The following NXPH1 variants were observed in gnomAD, a reference collection of about 807,000 sequenced individuals.
NXPH1 encodes neurexophilin 1, also known as neurexophilin-1.
Under a neutral mutation model 23.7 loss-of-function variants are expected in NXPH1, and 5 were observed. The observed-to-expected ratio is 0.21, with a 90% CI of 0.11 to 0.44. The LOEUF (loss-of-function observed/expected upper bound fraction) is 0.44, where lower values mean the gene tolerates loss of function less well. Ranked by LOEUF, NXPH1 falls within the 20% of genes least tolerant of loss-of-function variation. The pLI is 0.99. For synonymous variants in NXPH1, 144 were observed against 122.2 expected (o/e 1.18, Z -1.18); for missense variants, 324 against 321.6 (o/e 1.01, Z -0.06).
At chr7:8,474,308 T>G (rs1278588656) in intron 2 of NXPH1, among the ~76,000 whole-genome samples, 2 of 152,156 alleles carry the variant, frequency 1.3e-5, no homozygotes, top group African/African-American at 4.8e-5. Context: ...AAATGGGTGC[T>G]GAGAGAAATG....
chr7:8,609,789 C>T (rs1819576760), intron 2 of NXPH1, among the ~76,000 whole-genome samples: 1 of 152,114 alleles, frequency 6.6e-6, no homozygotes, highest in African/African-American at 2.4e-5. Context: ...TTAATTTTAA[C>T]ATAACAGAGA....
intron 2 of NXPH1, 120 bp from the exon 3 acceptor site, chr7:8,750,888 G>C (rs1780552111): frequency 2.1e-6 from 2 of 957,750 alleles, no homozygotes; most frequent in East Asian, 2.4e-5. Context: ...CTCAGATGCG[G>C]TGCTTTTAAA....
intron 2 of NXPH1, among the ~76,000 whole-genome samples, chr7:8,587,999 G>T (rs1412216775): frequency 6.6e-6 from 1 of 152,092 alleles, no homozygotes; most frequent in Non-Finnish European, 1.5e-5. Flanking sequence ...ATGAAAAAAA[G>T]CTCATCATCA....
chr7:8,682,347 T>C (rs1412837103), intron 2 of NXPH1, among the ~76,000 whole-genome samples: 3 of 152,066 alleles, frequency 2.0e-5, no homozygotes, highest in African/African-American at 7.2e-5. Flanking sequence ...ATCAGGAGAG[T>C]ATGTGTTTTA....
intron 2 of NXPH1, among the ~76,000 whole-genome samples, chr7:8,618,878 T>C (rs1055345628): frequency 1.3e-5 from 2 of 152,238 alleles, no homozygotes; most frequent in Non-Finnish European, 2.9e-5. Flanking sequence ...TAATTATGTG[T>C]GCTGCAATTG....
intron 2 of NXPH1, among the ~76,000 whole-genome samples, chr7:8,454,251 A>G (rs1188385934): frequency 2.0e-5 from 3 of 152,128 alleles, no homozygotes; most frequent in Non-Finnish European, 4.4e-5. Flanking sequence ...TAAAAAAGGA[A>G]TTTGTCGAAT....
chr7:8,696,520 A>G (rs1779513652), intron 2 of NXPH1, among the ~76,000 whole-genome samples: 1 of 152,194 alleles, frequency 6.6e-6, no homozygotes, highest in Non-Finnish European at 1.5e-5. Flanking sequence ...GTTGAGAAAG[A>G]TCTCTCTGGG....
intron 2 of NXPH1, among the ~76,000 whole-genome samples, chr7:8,672,953 G>A (rs914275057): frequency 6.6e-6 from 1 of 152,066 alleles, no homozygotes; most frequent in Non-Finnish European, 1.5e-5. Flanking sequence ...GACCTGGATT[G>A]GAATCTTGCT....
intron 2 of NXPH1, among the ~76,000 whole-genome samples, chr7:8,488,378 A>G (rs938768195): frequency 1.3e-5 from 2 of 152,124 alleles, no homozygotes; most frequent in African/African-American, 4.8e-5. Flanking sequence ...AAAAGTAATG[A>G]CTTCCCTCTT....
chr7:8,546,059 TAA>T (rs1261035862), intron 2 of NXPH1, among the ~76,000 whole-genome samples: 1 of 151,536 alleles, frequency 6.6e-6, no homozygotes, highest in Non-Finnish European at 1.5e-5. Context: ...AAAATATCAA[TAA>T]TTATGCAACT....
chr7:8,477,801 T>C (rs559670344), intron 2 of NXPH1, among the ~76,000 whole-genome samples: 19 of 152,156 alleles, frequency 1.2e-4, no homozygotes, highest in Non-Finnish European at 2.4e-4. Context: ...TTAGCCATTA[T>C]TGCTATTCTA....
chr7:8,671,707 C>G (rs1012796333), intron 2 of NXPH1, among the ~76,000 whole-genome samples: 2 of 152,154 alleles, frequency 1.3e-5, no homozygotes, highest in African/African-American at 2.4e-5. Context: ...GGGTCTGGCA[C>G]TGGTTCTATC....
intron 2 of NXPH1, among the ~76,000 whole-genome samples, chr7:8,548,238 G>A (rs1300702003): frequency 6.6e-6 from 1 of 151,516 alleles, no homozygotes; most frequent in Non-Finnish European, 1.5e-5. Flanking sequence ...TCCTGTTCAT[G>A]GAGTTTACCA....
intron 2 of NXPH1, among the ~76,000 whole-genome samples, chr7:8,698,129 C>T (rs911255071): frequency 3.3e-5 from 5 of 152,126 alleles, no homozygotes; most frequent in Non-Finnish European, 4.4e-5. Context: ...AGGAGGCTTT[C>T]GGAGTCAGAA....
At chr7:8,546,870 T>C (rs540730220) in intron 2 of NXPH1, among the ~76,000 whole-genome samples, 1 of 151,556 alleles carries the variant, frequency 6.6e-6, no homozygotes, top group South Asian at 2.1e-4. Flanking sequence ...AACAGTAATA[T>C]CTGGTTTACA....
intron 2 of NXPH1, among the ~76,000 whole-genome samples, chr7:8,455,777 T>A (rs10486223): frequency 3.3e-5 from 5 of 152,096 alleles, no homozygotes. Context: ...CAATATCAGA[T>A]GCTGTTGGAG....
intron 2 of NXPH1, among the ~76,000 whole-genome samples, chr7:8,599,769 G>T (rs555447750): frequency 1.3e-5 from 2 of 148,892 alleles, no homozygotes; most frequent in South Asian, 4.2e-4. Flanking sequence ...AACCACACTT[G>T]TTCATAACTT....
chr7:8,672,835 C>G (rs1044243030), intron 2 of NXPH1, among the ~76,000 whole-genome samples: 1 of 152,172 alleles, frequency 6.6e-6, no homozygotes. Flanking sequence ...TCTGCCATCT[C>G]TTTCCTCATT....
chr7:8,468,770 A>G (rs1180598420), intron 2 of NXPH1, among the ~76,000 whole-genome samples: 2 of 152,060 alleles, frequency 1.3e-5, no homozygotes, highest in Non-Finnish European at 1.5e-5. Context: ...TTAAGTTGTT[A>G]TGATAGTTCA....
Sources: gnomAD v4.1 joint callset for allele counts (sites outside exome capture counted in the v4.1 genomes callset) on GRCh38, gnomAD v4.1.1 for gene constraint, MANE v1.5 for transcripts, NCBI Gene and HGNC (gene_info 2026-07-23, HGNC 2026-07-21) for gene names.